Variants in PLXDC2 observed in about 807,000 individuals in gnomAD.
PLXDC2 encodes plexin domain-containing protein 2.
PLXDC2 carries 40 observed loss-of-function variants against 68.9 expected under a neutral mutation model. The observed-to-expected ratio is 0.58, with a 90% confidence interval of 0.45 to 0.76. The LOEUF is 0.76. PLXDC2 is among the 30% of genes least tolerant of loss of function. The pLI is 0.00. For synonymous variants in PLXDC2, 243 were observed against 234.2 expected (o/e 1.04, Z -0.34); for missense variants, 644 against 661.9 (o/e 0.97, Z 0.30).
At chr10:19,874,318 A>G (rs1485769333) in intron 1 of PLXDC2, among the ~76,000 whole-genome samples, 1 of 152,202 alleles carries the variant, frequency 6.6e-6, no homozygotes, top group South Asian at 2.1e-4. Flanking sequence ...CAGACATGGA[A>G]CAATTTTCTT....
intron 10 of PLXDC2, among the ~76,000 whole-genome samples, chr10:20,215,411 C>G (rs903339506): frequency 2.0e-5 from 3 of 152,014 alleles, no homozygotes; most frequent in African/African-American, 7.2e-5. Context: ...GGAAATATGA[C>G]TGCGTATGAA....
chr10:19,883,966 C>A (rs545247157), intron 1 of PLXDC2, among the ~76,000 whole-genome samples: 1 of 131,706 alleles, frequency 7.6e-6, no homozygotes. Flanking sequence ...TGATTGATCT[C>A]GGCTCACTGC....
chr10:20,038,890 G>C (rs762143175), intron 2 of PLXDC2, among the ~76,000 whole-genome samples: 4 of 152,116 alleles, frequency 2.6e-5, no homozygotes, highest in Non-Finnish European at 4.4e-5. Flanking sequence ...AATGAGGTCT[G>C]TTTCCAACCC....
At chr10:19,971,445 T>C (rs1029820868) in intron 1 of PLXDC2, among the ~76,000 whole-genome samples, 31 of 152,120 alleles carry the variant, frequency 2.0e-4, no homozygotes, top group African/African-American at 7.0e-4. Context: ...CAATCGAAGT[T>C]GTTATACCGG....
chr10:19,987,630 C>G (rs1345611498), intron 1 of PLXDC2, among the ~76,000 whole-genome samples: 1 of 151,616 alleles, frequency 6.6e-6, no homozygotes, highest in Non-Finnish European at 1.5e-5. Flanking sequence ...GGCGCGATCT[C>G]GGCTCACTGC....
At chr10:20,126,129 TTA>T (rs1468615488) in intron 4 of PLXDC2, among the ~76,000 whole-genome samples, 2 of 147,410 alleles carry the variant, frequency 1.4e-5, no homozygotes, top group African/African-American at 4.9e-5. Flanking sequence ...ATAATATATG[TTA>T]TATATGTGTA....
intron 6 of PLXDC2, among the ~76,000 whole-genome samples, chr10:20,154,040 C>G (rs1285926492): frequency 6.6e-6 from 1 of 151,880 alleles, no homozygotes; most frequent in Non-Finnish European, 1.5e-5. Flanking sequence ...ATGAAAGAAC[C>G]TGTACATAGG....
intron 1 of PLXDC2, among the ~76,000 whole-genome samples, chr10:19,854,598 T>A (rs1697835832): frequency 6.6e-6 from 1 of 152,090 alleles, no homozygotes; most frequent in Non-Finnish European, 1.5e-5. Flanking sequence ...AGACCTAGAT[T>A]TTTTTTTACA....
At chr10:20,215,166 G>T (rs1554775276) in intron 10 of PLXDC2, among the ~76,000 whole-genome samples, 1 of 152,126 alleles carries the variant, frequency 6.6e-6, no homozygotes, top group Non-Finnish European at 1.5e-5. Context: ...TGAGGGAGGT[G>T]TCAGAACATT....
chr10:20,202,556 A>G (rs1261805704), intron 9 of PLXDC2, among the ~76,000 whole-genome samples: 1 of 147,728 alleles, frequency 6.8e-6, no homozygotes, highest in East Asian at 2.1e-4. Context: ...GTCAATACAC[A>G]CCCAAACTTG....
chr10:20,151,261 G>A (rs1834148958), intron 6 of PLXDC2, among the ~76,000 whole-genome samples: 1 of 152,170 alleles, frequency 6.6e-6, no homozygotes, highest in African/African-American at 2.4e-5. Context: ...TCACATGATA[G>A]CATAAAATAG....
intron 9 of PLXDC2, among the ~76,000 whole-genome samples, chr10:20,192,330 T>C (rs979347946): frequency 1.2e-4 from 18 of 152,028 alleles, no homozygotes; most frequent in African/African-American, 4.3e-4. Flanking sequence ...TACTAGCTTA[T>C]GTGTACTAAC....
Position 20,281,771 on chromosome 10 carries a change from A to C in PLXDC2, c.*1952A>C, listed in dbSNP as rs940741031. On this transcript the variant is annotated 3_prime_UTR_variant, in exon 14 of 14. Coordinates refer to ENST00000377252, the MANE Select transcript of PLXDC2 (RefSeq NM_032812.9). Reference sequence around the variant, plus strand: ...TCTTGTGGAGCAGGTTTGGTGAGACAGCAATAACCAAATGACATGCCAATA... The same window carrying C: ...TCTTGTGGAGCAGGTTTGGTGAGACCGCAATAACCAAATGACATGCCAATA... The C allele has an allele frequency of 6.6e-6, 1 of 152,294 alleles. No individual in the cohort carries two copies. The allele number at this position is 152,294 out of a possible 1,614,324, so 9.4% of individuals were successfully genotyped here.
chr10:20,135,565 T>G (rs1200139983), intron 4 of PLXDC2, among the ~76,000 whole-genome samples: 1 of 152,242 alleles, frequency 6.6e-6, no homozygotes, highest in African/African-American at 2.4e-5. Flanking sequence ...TTTTGGTTTT[T>G]GATTTTCAGC....
intron 1 of PLXDC2, among the ~76,000 whole-genome samples, chr10:19,837,334 G>A (rs1442538263): frequency 6.6e-6 from 1 of 151,504 alleles, no homozygotes; most frequent in African/African-American, 2.4e-5. Flanking sequence ...TAGATCATAC[G>A]GTTGTTTCTC....
chr10:20,265,033 A>G (rs1429213526), intron 13 of PLXDC2, among the ~76,000 whole-genome samples: 1 of 152,242 alleles, frequency 6.6e-6, no homozygotes, highest in East Asian at 1.9e-4. Flanking sequence ...AATTATAAGC[A>G]TATCTGAATT....
chr10:19,925,522 A>G (rs1000833980), intron 1 of PLXDC2, among the ~76,000 whole-genome samples: 7 of 152,266 alleles, frequency 4.6e-5, no homozygotes, highest in Non-Finnish European at 7.3e-5. Flanking sequence ...GTATTTAATC[A>G]TTAAGTTTTG....
chr10:19,937,562 A>G (rs957942500), intron 1 of PLXDC2, among the ~76,000 whole-genome samples: 2 of 140,644 alleles, frequency 1.4e-5, no homozygotes, highest in Non-Finnish European at 3.1e-5. Flanking sequence ...ATATATATAT[A>G]TATATATATA....
intron 2 of PLXDC2, among the ~76,000 whole-genome samples, chr10:20,006,342 TTATATTGCTAAA>T (rs1370272796): frequency 2.0e-5 from 3 of 152,334 alleles, no homozygotes; most frequent in African/African-American, 4.8e-5. Flanking sequence ...TCTTTTTGGT[TTATATTGCTAAA>T]TACAAACAAT....
Sources: gnomAD v4.1 joint callset for allele counts (sites outside exome capture counted in the v4.1 genomes callset) on GRCh38, gnomAD v4.1.1 for gene constraint, MANE v1.5 for transcripts, NCBI Gene and HGNC (gene_info 2026-07-23, HGNC 2026-07-21) for gene names.